Variants in ZNF473 observed in about 807,000 individuals in gnomAD.
ZNF473 encodes the protein zinc finger protein 100 homolog.
Under a neutral mutation model 11.1 loss-of-function variants are expected in ZNF473, and 4 were observed. The ratio of observed to expected loss-of-function variants is 0.36; its 90% CI spans 0.18 to 0.82. The LOEUF (loss-of-function observed/expected upper bound fraction) is 0.82. ZNF473 is among the 40% of genes least tolerant of loss of function. The pLI, the probability that ZNF473 is intolerant of heterozygous loss-of-function variation, is 0.49. For missense variants in ZNF473, 854 were observed against 1,084.0 expected, an observed-to-expected ratio of 0.79 and a Z score of 2.98; for synonymous variants, 404 against 390.4, an observed-to-expected ratio of 1.03 and a Z score of -0.41.
Position 50,047,098 on chromosome 19 carries a change from T to TA in ZNF473, c.*40dup, listed in dbSNP as rs1463623562. 3.3e-6 allele frequency: 5 copies of TA among 1,524,294 alleles called. No homozygotes were observed. Among genetic ancestry groups the TA allele is most frequent in the Non-Finnish European group, 4.5e-6 (5 of 1,120,986 alleles). The allele number at this position is 1,524,294 out of a possible 1,614,324, so 94.4% of individuals were successfully genotyped here. On this transcript the variant is annotated 3_prime_UTR_variant, in exon 5 of 5. Coordinates refer to ENST00000270617, the MANE Select transcript of ZNF473 (RefSeq NM_015428.4). ...GCAGAGTCCCAGAATATGAGACCGTTACTCGGATGTTGAAAGTTGGAAACT... is the reference window on the plus strand; with the variant it reads ...GCAGAGTCCCAGAATATGAGACCGTTAACTCGGATGTTGAAAGTTGGAAACT...
chr19:50,028,325 T>C (rs937599262), intron 1 of ZNF473, among the ~76,000 whole-genome samples: 1 of 119,106 alleles, frequency 8.4e-6, no homozygotes, highest in African/African-American at 3.5e-5. Flanking sequence ...CAAATTTAAT[T>C]TTTTTTTGGA....
chr19:50,044,607 T>C, intron 4 of ZNF473, 63 bp from the exon 5 acceptor site: 1 of 1,362,744 alleles, frequency 7.3e-7, no homozygotes, highest in Admixed American at 2.0e-5. Context: ...CTATCACCCC[T>C]ACTTGCTCTT....
intron 2 of ZNF473, among the ~76,000 whole-genome samples, chr19:50,035,394 A>G (rs547504272): frequency 6.6e-6 from 1 of 151,604 alleles, no homozygotes; most frequent in Non-Finnish European, 1.5e-5. Context: ...AGTTTTCACT[A>G]TAAGGAATTG....
intron 2 of ZNF473, among the ~76,000 whole-genome samples, chr19:50,037,246 CGTT>C (rs1978497671): frequency 6.6e-6 from 1 of 152,080 alleles, no homozygotes. Context: ...AGATGGGACT[CGTT>C]GGTCCCATTT....
In ZNF473 at chr19:50,046,065, A is replaced by G. The variant is rs2122861569; in HGVS notation, c.1622A>G (p.Lys541Arg). The G allele has an allele frequency of 6.2e-7, 1 of 1,614,198 alleles. No homozygotes were observed. Among genetic ancestry groups the G allele is most frequent in the East Asian group, 2.2e-5 (1 of 44,888 alleles). ...CACGAGAGTGTTCACGCCAGAGAAA[A>G]ACAAGGATTTTTTGTGAGTGGGAAG... ...KCHESVHARE[K>R]QGFFVSGKIL... Residue 541 changes from lysine (K) to arginine (R), a missense_variant, in exon 5 of 5, where the codon AAA becomes AGA. Lys to Arg is a conservative substitution (Grantham distance 26). This residue lies in a region of ZNF473 where 668 missense variants were observed against 790.2 expected (regional missense o/e 0.85). Coordinates refer to ENST00000270617, the MANE Select transcript of ZNF473 (RefSeq NM_015428.4). The surrounding 1 kb of genome is among the most constrained non-coding windows in gnomAD (Gnocchi z 5.9).
In ZNF473 at chr19:50,045,713, G is replaced by A; in HGVS notation, c.1270G>A (p.Val424Ile). The A allele has an allele frequency of 1.2e-6, 2 of 1,614,116 alleles. No homozygotes were observed. The highest frequency in any genetic ancestry group is 4.5e-5 in the East Asian group (2 of 44,880). The change falls in exon 5 of 5, where the codon GTT becomes ATT. Residue 424 changes from valine (V) to isoleucine (I), a missense_variant. Physicochemically the swap from Val to Ile is conservative, Grantham distance 29 (BLOSUM62 3). Around this residue, in one of 2 missense-constraint regions of ZNF473, gnomAD observed 668 missense variants for 790.2 expected, o/e 0.85. Coordinates refer to ENST00000270617, the MANE Select transcript of ZNF473 (RefSeq NM_015428.4). ...CTCTACCCTAAAGATCCATCAGAGG[G>A]TTCACAGTGGAGAGAAGCCTTACAA... ...HNSTLKIHQR[V>I]HSGEKPYKCS...
chr19:50,026,420 G>C (rs1472497220), intron 1 of ZNF473, among the ~76,000 whole-genome samples: 1 of 152,052 alleles, frequency 6.6e-6, no homozygotes, highest in Non-Finnish European at 1.5e-5. Flanking sequence ...GCGTGGTGGC[G>C]GGGGCCTGTA....
intron 1 of ZNF473, 58 bp from the exon 2 acceptor site, chr19:50,030,834 A>G (rs1186577296): frequency 1.9e-5 from 11 of 576,572 alleles, no homozygotes; most frequent in African/African-American, 3.8e-5. Context: ...TCTGAAGCAC[A>G]GTGCAAATGT....
Position 50,044,864 on chromosome 19 carries a change from G to A in ZNF473, c.421G>A (p.Gly141Arg), listed in dbSNP as rs774464330. Residue 141 changes from glycine to arginine, a missense_variant, in exon 5 of 5, where the codon GGG becomes AGG. Gly to Arg is a moderately radical substitution (Grantham distance 125). Around this residue, in one of 2 missense-constraint regions of ZNF473, gnomAD observed 668 missense variants for 790.2 expected, o/e 0.85. Transcript: ENST00000270617. ...SLLRSDIATN[G>R]ESPTECKSHE... ...TCTGAGGTCTGATATTGCCACCAAC[G>A]GGGAAAGTCCCACGGAATGCAAGAG... 4 of 1,614,064 alleles carry A rather than the reference G, an allele frequency of 2.5e-6. No individual in the cohort carries two copies. Among genetic ancestry groups the A allele is most frequent in the Non-Finnish European group, 3.4e-6 (4 of 1,180,040 alleles).
At chr19:50,042,432 AC>A (rs1296749603) in intron 4 of ZNF473, 1 of 152,184 alleles carries the variant, frequency 6.6e-6, no homozygotes, top group African/African-American at 2.4e-5. Flanking sequence ...CTCAGGCTGT[AC>A]CCCATCCAGT....
In ZNF473 at chr19:50,045,649, T is replaced by C. The variant is rs371553682; in HGVS notation, c.1206T>C (p.Pro402=). The C allele has an allele frequency of 1.4e-5, 23 of 1,613,940 alleles. No homozygotes were observed. Among genetic ancestry groups the C allele is most frequent in the Admixed American group, 3.3e-5 (2 of 59,998 alleles). Residue 402 remains proline, a synonymous_variant, in exon 5 of 5, where the codon CCT becomes CCC. Transcript: ENST00000270617. ...EHQALHAGEE[P]YKCNERGKSF... is the part of the protein sequence containing the mutation. ...AGGCTCTTCATGCTGGAGAGGAGCC[T>C]TATAAGTGTAACGAACGTGGGAAAT...
Position 50,043,171 on chromosome 19 carries a change from A to C in ZNF473, c.226+1352A>C, listed in dbSNP as rs1271762707. On this transcript the variant is annotated intron_variant, in intron 4 of 4. Transcript: ENST00000270617. ...ATATGGGGGCCAGGCGTGGTGGCTC[A>C]TACCTGTAATCCCAGCACTTTGGGA... 2.0e-5 allele frequency: 3 copies of C among 152,224 alleles called. No individual in the cohort carries two copies. The South Asian group carries it at 6.2e-4, about 32-fold the overall frequency. The allele number at this position is 152,224 out of a possible 1,614,324, so 9.4% of individuals were successfully genotyped here.
rs1474443534 is a variant in ZNF473, at chr19:50,045,654, A to G, written c.1211A>G (p.Lys404Arg). 2 of 1,614,144 alleles carry G rather than the reference A, an allele frequency of 1.2e-6. No homozygotes were observed. Among genetic ancestry groups the G allele is most frequent in the Non-Finnish European group, 1.7e-6 (2 of 1,180,008 alleles). Residue 404 changes from lysine to arginine, a missense_variant, in exon 5 of 5, where the codon AAG becomes AGG. This residue lies in a region of ZNF473 where 668 missense variants were observed against 790.2 expected (regional missense o/e 0.85). Coordinates refer to ENST00000270617, the MANE Select transcript of ZNF473 (RefSeq NM_015428.4). ...QALHAGEEPYKCNERGKSFRH... is the reference protein window; with the variant it reads ...QALHAGEEPYRCNERGKSFRH... ...CTTCATGCTGGAGAGGAGCCTTATA[A>G]GTGTAACGAACGTGGGAAATCCTTC...
At chr19:50,027,331 G>A (rs1267047501) in intron 1 of ZNF473, among the ~76,000 whole-genome samples, 1 of 152,118 alleles carries the variant, frequency 6.6e-6, no homozygotes, top group Non-Finnish European at 1.5e-5. Context: ...CTGGTTTTTG[G>A]AGCATTTAAA....
At chr19:50,037,793 A>G (rs1436117554) in intron 2 of ZNF473, among the ~76,000 whole-genome samples, 5 of 151,934 alleles carry the variant, frequency 3.3e-5, no homozygotes, top group Non-Finnish European at 7.4e-5. Flanking sequence ...CCTGGGCAAC[A>G]GAGTGAGACA....
At position 50,046,153 on chromosome 19, in the gene ZNF473, C is replaced by T. The variant is rs546482296; in HGVS notation, c.1710C>T (p.Thr570=). The T allele has an allele frequency of 1.1e-5, 17 of 1,614,016 alleles. No individual in the cohort carries two copies. The African/African-American group carries it at 1.5e-4, about 14-fold the overall frequency. The change falls in exon 5 of 5, where the codon ACC becomes ACT. Residue 570 remains threonine (T), a synonymous_variant. Transcript: ENST00000270617. This position sits in a 1 kb window ranked among gnomAD's most constrained non-coding sequence, Gnocchi z 5.9. ...KCFKCNKCEK[T]FSCSKYLTQH... is the part of the protein sequence containing the mutation. ...TTAAGTGTAACAAATGTGAGAAAAC[C>T]TTTAGCTGCAGCAAATACCTAACTC...
At position 50,045,150 on chromosome 19, in the gene ZNF473, C is replaced by T; in HGVS notation, c.707C>T (p.Pro236Leu). ...QHWITHTREK[P>L]TVHQECEQGF... is the part of the protein sequence containing the mutation. ...TGGATCACTCATACTAGGGAGAAAC[C>T]CACTGTCCATCAAGAGTGTGAGCAA... is the stretch of plus-strand genomic sequence containing the variant. Residue 236 changes from proline to leucine, a missense_variant, in exon 5 of 5, where the codon CCC becomes CTC. By Grantham distance (98) the Pro-to-Leu change is moderately conservative. Around this residue, in one of 2 missense-constraint regions of ZNF473, gnomAD observed 668 missense variants for 790.2 expected, o/e 0.85. Coordinates refer to ENST00000270617, the MANE Select transcript of ZNF473 (RefSeq NM_015428.4). 8 of 1,614,162 alleles carry T rather than the reference C, an allele frequency of 5.0e-6. No homozygotes were observed. Among genetic ancestry groups the T allele is most frequent in the Non-Finnish European group, 6.8e-6 (8 of 1,180,036 alleles).
At position 50,045,211 on chromosome 19, in the gene ZNF473, G is replaced by A. The variant is rs759528553; in HGVS notation, c.768G>A (p.Pro256=). The A allele has an allele frequency of 2.1e-5, 34 of 1,614,014 alleles. 1 individual carries two copies. The South Asian group carries it at 2.7e-4, about 13-fold the overall frequency. ...FDRNASLSVY[P]KTHTGYKFYV... Reference sequence around the variant, plus strand: ...GGAATGCTTCCCTTTCTGTGTATCCGAAAACTCACACGGGCTACAAATTCT... The same window carrying A: ...GGAATGCTTCCCTTTCTGTGTATCCAAAAACTCACACGGGCTACAAATTCT... The change falls in exon 5 of 5, where the codon CCG becomes CCA. Residue 256 remains proline (P), a synonymous_variant. Coordinates refer to ENST00000270617, the MANE Select transcript of ZNF473 (RefSeq NM_015428.4).
Position 50,031,026 on chromosome 19 carries a change from G to A in ZNF473, c.-57G>A, listed in dbSNP as rs2077314952. 3.2e-6 allele frequency: 5 copies of A among 1,555,272 alleles called. No homozygotes were observed. In the Admixed American group the frequency reaches 5.8e-5, roughly 18 times the overall value. ...GTGCTTCCCACAGCCCTGCCAGCCG[G>A]GAACACGGAGGGGAAGGAGGAGGAG... On this transcript the variant is annotated 5_prime_UTR_variant, in exon 2 of 5. Transcript: ENST00000270617.
Sources: allele counts gnomAD v4.1 joint callset (sites outside exome capture counted in the v4.1 genomes callset), GRCh38; gene constraint gnomAD v4.1.1; regional missense constraint gnomAD v4.1.1; non-coding constraint Gnocchi (gnomAD v3.1); transcripts MANE v1.5; gene names NCBI Gene and HGNC (gene_info 2026-07-23, HGNC 2026-07-21).